The following PROSER2 variants were observed in gnomAD, a reference collection of about 807,000 sequenced individuals.
PROSER2 encodes proline and serine rich 2.
A neutral mutation model predicts 14.6 loss-of-function variants in PROSER2; 18 were observed. That is an observed-to-expected ratio of 1.23 (90% confidence interval 0.85 to 1.83). The LOEUF (loss-of-function observed/expected upper bound fraction) is 1.83, where lower values mean the gene tolerates loss of function less well. PROSER2 is among the 40% of genes most tolerant of loss of function. The pLI is 0.00. For missense variants in PROSER2, 823 were observed against 629.8 expected (o/e 1.31, Z -3.28); for synonymous variants, 367 against 286.4 (o/e 1.28, Z -2.84).
At chr10:11,855,416 G>C (rs1465865389) in intron 2 of PROSER2, among the ~76,000 whole-genome samples, 2 of 148,650 alleles carry the variant, frequency 1.3e-5, no homozygotes, top group Non-Finnish European at 3.0e-5. Context: ...GGAGCTTGCA[G>C]TGAGCCGAGA....
chr10:11,855,601 C>A (rs1834110580), intron 2 of PROSER2, among the ~76,000 whole-genome samples: 1 of 151,768 alleles, frequency 6.6e-6, no homozygotes, highest in Non-Finnish European at 1.5e-5. Flanking sequence ...TCATTAGAAA[C>A]TTTTCTCCTG....
chr10:11,864,706 G>C (rs1363472140), intron 2 of PROSER2, among the ~76,000 whole-genome samples: 3 of 150,814 alleles, frequency 2.0e-5, no homozygotes, highest in Admixed American at 1.3e-4. Flanking sequence ...CTCCTGCCTC[G>C]GCCTCCTAAG....
At chr10:11,848,654 C>T (rs1188559010) in intron 1 of PROSER2, among the ~76,000 whole-genome samples, 1 of 152,140 alleles carries the variant, frequency 6.6e-6, no homozygotes, top group Non-Finnish European at 1.5e-5. Context: ...CCCTACCTGT[C>T]GGCAAAGTTC....
chr10:11,854,476 T>C (rs1323017741), intron 2 of PROSER2, among the ~76,000 whole-genome samples: 1 of 152,122 alleles, frequency 6.6e-6, no homozygotes, highest in Non-Finnish European at 1.5e-5. Context: ...ACCTGGCTAA[T>C]TTGTTAAATT....
chr10:11,835,270 G>T (rs7073056), intron 1 of PROSER2, among the ~76,000 whole-genome samples: 15,706 of 152,168 alleles, frequency 0.1, 1,076 homozygotes, highest in Non-Finnish European at 0.15. Context: ...TTGGCTCTGT[G>T]CACTTGTGTA....
At chr10:11,845,212 A>G (rs1332900260) in intron 1 of PROSER2, among the ~76,000 whole-genome samples, 1 of 152,114 alleles carries the variant, frequency 6.6e-6, no homozygotes, top group Non-Finnish European at 1.5e-5. Context: ...GTGCGTGGGA[A>G]TATATTTTAC....
At chr10:11,867,863 TACTGAAA>T (rs1834385703) in intron 3 of PROSER2, among the ~76,000 whole-genome samples, 1 of 152,154 alleles carries the variant, frequency 6.6e-6, no homozygotes, top group African/African-American at 2.4e-5. Context: ...TTGGAAAGGA[TACTGAAA>T]ACAAATGTGG....
intron 1 of PROSER2, among the ~76,000 whole-genome samples, chr10:11,833,182 C>G (rs1183480494): frequency 1.4e-5 from 2 of 138,438 alleles, no homozygotes; most frequent in Non-Finnish European, 3.1e-5. Context: ...GGTTAAGTAA[C>G]AAATAGTGAT....
rs577089253 is a variant in PROSER2, at chr10:11,870,454, A to T, written c.*48A>T. ...CCCCGTTTCTCCCCACCCTGAAGAG[A>T]GGGTGAAAGAGTCGCTGCACCCAGG... is the stretch of plus-strand genomic sequence containing the variant. On this transcript the variant is annotated 3_prime_UTR_variant, in exon 4 of 4. Coordinates refer to ENST00000277570, the MANE Select transcript of PROSER2 (RefSeq NM_153256.4). The T allele has an allele frequency of 4.4e-6, 6 of 1,366,856 alleles. No homozygotes were observed. In the East Asian group the frequency reaches 1.8e-4, roughly 42 times the overall value. 84.7% of individuals were successfully genotyped at this position (1,366,856 alleles called of 1,614,324 possible).
chr10:11,845,387 C>G (rs777654138), intron 1 of PROSER2, among the ~76,000 whole-genome samples: 1 of 151,982 alleles, frequency 6.6e-6, no homozygotes, highest in Non-Finnish European at 1.5e-5. Flanking sequence ...TTTCGGTGTT[C>G]TGTGGTTTCA....
In PROSER2 at chr10:11,869,419, A is replaced by G; in HGVS notation, c.392-71A>G. 8.4e-7 allele frequency: 1 copy of G among 1,185,142 alleles called. No homozygotes were observed. The highest frequency in any genetic ancestry group is 1.3e-5 in the South Asian group (1 of 79,072). 73.4% of individuals were successfully genotyped at this position (1,185,142 alleles called of 1,614,324 possible). A position where few individuals can be genotyped will look rare whatever the true frequency, so the allele number is the denominator to read the frequency against. On this transcript the variant is annotated intron_variant, in intron 3 of 3. Transcript: ENST00000277570. The surrounding 1 kb of genome is among the most constrained non-coding windows in gnomAD (Gnocchi z 4.4). ...TCCAGGTTGAGGCTCTTTTCAGTTCAGCGAGAGGGAACTTCATGCATTTAC... is the reference window on the plus strand; with the variant it reads ...TCCAGGTTGAGGCTCTTTTCAGTTCGGCGAGAGGGAACTTCATGCATTTAC...
Position 11,823,817 on chromosome 10 carries a change from C to G in PROSER2, c.-82+347C>G, listed in dbSNP as rs1588479652. ...GCGCAGAGGGTCCCCGCTGTCCCCACCGTCCGTCCCCCAACCCGGGACCCC... is the reference window on the plus strand; with the variant it reads ...GCGCAGAGGGTCCCCGCTGTCCCCAGCGTCCGTCCCCCAACCCGGGACCCC... On this transcript the variant is annotated intron_variant, in intron 1 of 3. Transcript: ENST00000277570. The surrounding 1 kb of genome is among the most constrained non-coding windows in gnomAD (Gnocchi z 6.2). 6.6e-6 allele frequency among the ~76,000 whole-genome samples: 1 copy of G among 152,178 alleles called. No homozygotes were observed. The highest frequency in any genetic ancestry group is 2.4e-5 in the African/African-American group (1 of 41,466).
At chr10:11,855,423 G>A (rs1333064255) in intron 2 of PROSER2, among the ~76,000 whole-genome samples, 12 of 147,056 alleles carry the variant, frequency 8.2e-5, no homozygotes, top group South Asian at 6.4e-4. Flanking sequence ...GCAGTGAGCC[G>A]AGATCGCGCC....
chr10:11,826,181 G>C (rs576877299), intron 1 of PROSER2, among the ~76,000 whole-genome samples: 1 of 152,096 alleles, frequency 6.6e-6, no homozygotes, highest in African/African-American at 2.4e-5. Flanking sequence ...TTCAAGGTCC[G>C]TCCGTGTCGC....
chr10:11,852,196 G>A lies in PROSER2; in HGVS notation c.119G>A (p.Arg40His), dbSNP rs148688412. The change falls in exon 2 of 4, where the codon CGC becomes CAC. Residue 40 changes from arginine to histidine, a missense_variant. By Grantham distance (29) the Arg-to-His change is conservative. Transcript: ENST00000277570. ...GSLESRSSSS[R>H]SRSFTLDDES... ...CTGGAGAGTCGAAGCAGCAGCTCTC[G>A]CTCCAGAAGCTTCACTTTGGTGAGT... is the stretch of plus-strand genomic sequence containing the variant. 9,102 of 1,609,880 alleles carry A rather than the reference G, an allele frequency of 5.7e-3. 34 individuals are homozygous for A. The highest frequency in any genetic ancestry group is 7.1e-3 in the Middle Eastern group (43 of 6,054).
intron 2 of PROSER2, among the ~76,000 whole-genome samples, chr10:11,863,557 A>G (rs1272152412): frequency 6.6e-6 from 1 of 151,746 alleles, no homozygotes; most frequent in East Asian, 1.9e-4. Context: ...AAAAAAAAAA[A>G]GTACAGCAGA....
rs1049060580 is a variant in PROSER2 at position 11,837,647 on chromosome 10, C to T, written c.-82+14177C>T. Among the ~76,000 whole-genome samples, 2 of 152,318 alleles carry T rather than the reference C, an allele frequency of 1.3e-5. No homozygotes were observed. The highest frequency in any genetic ancestry group is 2.9e-5 in the Non-Finnish European group (2 of 68,030). The stretch of plus-strand genomic sequence containing the variant: ...TTAAGGGGAATAATTTTTCCATTCA[C>T]GTTCAGAACTACCAAAGACAGTAAT... On this transcript the variant is annotated intron_variant, in intron 1 of 3. Transcript: ENST00000277570. This position sits in a 1 kb window ranked among gnomAD's most constrained non-coding sequence, Gnocchi z 4.6.
chr10:11,829,862 T>TA (rs1554765628), intron 1 of PROSER2, among the ~76,000 whole-genome samples: 14 of 132,522 alleles, frequency 1.1e-4, no homozygotes, highest in East Asian at 2.0e-4. Flanking sequence ...TTTTTTTTTT[T>TA]AGACCAAGTC....
chr10:11,828,388 T>C (rs1833644103), intron 1 of PROSER2, among the ~76,000 whole-genome samples: 1 of 151,448 alleles, frequency 6.6e-6, no homozygotes, highest in Admixed American at 6.6e-5. Context: ...AATAGTACAA[T>C]TGGTATTTTC....
Sources: allele counts gnomAD v4.1 joint callset (sites outside exome capture counted in the v4.1 genomes callset), GRCh38; gene constraint gnomAD v4.1.1; non-coding constraint Gnocchi (gnomAD v3.1); transcripts MANE v1.5; gene names NCBI Gene and HGNC (gene_info 2026-07-23, HGNC 2026-07-21).